SLC13A1: variants seen among roughly 807,000 people sequenced by gnomAD.
SLC13A1 encodes the protein solute carrier family 13 member 1, also known as Na(+)/sulfate cotransporter.
In SLC13A1, 65 loss-of-function variants were observed where a neutral mutation model predicts 70.0. That is an observed-to-expected ratio of 0.93 (90% CI 0.76 to 1.14). SLC13A1 has a LOEUF of 1.14. Ranked by LOEUF, SLC13A1 falls within the 50% of genes most tolerant of loss-of-function variation. SLC13A1 has a pLI of 0.00. For missense variants in SLC13A1, 726 were observed against 717.8 expected (o/e 1.01, Z -0.13); for synonymous variants, 275 against 250.5 (o/e 1.10, Z -0.92).
intron 2 of SLC13A1, among the ~76,000 whole-genome samples, chr7:123,172,926 T>G (rs964394482): frequency 3.9e-5 from 6 of 152,158 alleles, no homozygotes; most frequent in African/African-American, 1.4e-4. Context: ...AAGAGGGGGA[T>G]ATCATATACT....
At chr7:123,122,433 AT>A (rs1793414460) in intron 12 of SLC13A1, among the ~76,000 whole-genome samples, 1 of 152,130 alleles carries the variant, frequency 6.6e-6, no homozygotes, top group African/African-American at 2.4e-5. Context: ...TTTCATGGAA[AT>A]TTGGGAGAAG....
intron 6 of SLC13A1, among the ~76,000 whole-genome samples, chr7:123,166,568 C>A (rs929454809): frequency 1.3e-5 from 2 of 151,994 alleles, no homozygotes; most frequent in African/African-American, 4.8e-5. Context: ...CAACAGGCCC[C>A]AGTGTGTGAC....
intron 14 of SLC13A1, 37 bp downstream of exon 14, chr7:123,117,434 G>C: frequency 6.2e-7 from 1 of 1,600,130 alleles, no homozygotes; most frequent in Non-Finnish European, 8.5e-7. Flanking sequence ...ACCAAGATGT[G>C]TATTGGATTT....
At chr7:123,159,365 A>C (rs920284132) in intron 6 of SLC13A1, among the ~76,000 whole-genome samples, 3 of 152,190 alleles carry the variant, frequency 2.0e-5, no homozygotes, top group Non-Finnish European at 4.4e-5. Context: ...CCTTGTAAAA[A>C]GAGCAAAAGG....
intron 1 of SLC13A1, among the ~76,000 whole-genome samples, chr7:123,196,422 A>G (rs1342724151): frequency 6.6e-6 from 1 of 152,084 alleles, no homozygotes; most frequent in African/African-American, 2.4e-5. Context: ...AGACACAGAT[A>G]CTCAGTTGTG....
At chr7:123,159,158 C>T (rs1207454035) in intron 6 of SLC13A1, among the ~76,000 whole-genome samples, 2 of 151,862 alleles carry the variant, frequency 1.3e-5, no homozygotes, top group African/African-American at 4.8e-5. Flanking sequence ...GCTCTTTATA[C>T]TGTTCAGGAG....
intron 6 of SLC13A1, chr7:123,149,704 C>A: frequency 2.3e-6 from 1 of 436,616 alleles, no homozygotes; most frequent in East Asian, 7.0e-5. Context: ...ATTTTACCAT[C>A]CTGGTTATCA....
At chr7:123,193,267 A>G (rs1247434293) in intron 1 of SLC13A1, among the ~76,000 whole-genome samples, 5 of 152,032 alleles carry the variant, frequency 3.3e-5, no homozygotes, top group African/African-American at 1.2e-4. Context: ...TTATCCATAG[A>G]CAACATTTGG....
intron 7 of SLC13A1, among the ~76,000 whole-genome samples, chr7:123,144,856 A>G (rs1794296243): frequency 6.6e-6 from 1 of 152,166 alleles, no homozygotes; most frequent in South Asian, 2.1e-4. Flanking sequence ...TACTCAGAAC[A>G]TAGCTTCAAA....
chr7:123,126,414 A>G (rs1057388486), intron 10 of SLC13A1, among the ~76,000 whole-genome samples: 9 of 152,196 alleles, frequency 5.9e-5, no homozygotes, highest in African/African-American at 2.2e-4. Flanking sequence ...AAGCCTCAAC[A>G]GGAAAGAACC....
chr7:123,147,102 T>C, intron 7 of SLC13A1, 57 bp downstream of exon 7: 1 of 1,547,360 alleles, frequency 6.5e-7, no homozygotes, highest in Non-Finnish European at 8.8e-7. Flanking sequence ...TAAGAATAAT[T>C]TTTATAATTT....
chr7:123,165,801 T>G (rs1391524883), intron 6 of SLC13A1, among the ~76,000 whole-genome samples: 2 of 152,176 alleles, frequency 1.3e-5, no homozygotes, highest in East Asian at 3.9e-4. Context: ...TAGCTGGTTC[T>G]TTGAATTAGT....
intron 1 of SLC13A1, among the ~76,000 whole-genome samples, chr7:123,192,032 T>A (rs1307343410): frequency 6.6e-6 from 1 of 152,312 alleles, no homozygotes; most frequent in East Asian, 1.9e-4. Context: ...AACTTCTTTC[T>A]CTTTGCCTTG....
chr7:123,117,105 G>A (rs1166941098), intron 14 of SLC13A1, among the ~76,000 whole-genome samples: 1 of 152,122 alleles, frequency 6.6e-6, no homozygotes, highest in African/African-American at 2.4e-5. Flanking sequence ...TCACAGTGTT[G>A]TTTTGATTGC....
At chr7:123,165,410 A>G (rs540178838) in intron 6 of SLC13A1, among the ~76,000 whole-genome samples, 6 of 152,190 alleles carry the variant, frequency 3.9e-5, no homozygotes, top group African/African-American at 9.6e-5. Flanking sequence ...TCTTTTCTCT[A>G]TTGAAAGGTT....
intron 11 of SLC13A1, among the ~76,000 whole-genome samples, chr7:123,124,995 T>C (rs1436323480): frequency 6.6e-6 from 1 of 151,940 alleles, no homozygotes; most frequent in African/African-American, 2.4e-5. Context: ...CTGCCAAGGC[T>C]TGTTTCAAAC....
At chr7:123,181,862 ACT>A (rs138953382) in intron 1 of SLC13A1, among the ~76,000 whole-genome samples, 2,550 of 152,228 alleles carry the variant, frequency 0.017, 67 homozygotes, top group African/African-American at 0.059. Flanking sequence ...CACAGTGCTT[ACT>A]CTCTGCAAAT....
intron 13 of SLC13A1, among the ~76,000 whole-genome samples, chr7:123,117,960 A>G (rs369640432): frequency 6.6e-6 from 1 of 151,330 alleles, no homozygotes; most frequent in South Asian, 2.1e-4. Flanking sequence ...ATTTACACAT[A>G]ATATAGTTTA....
intron 8 of SLC13A1, among the ~76,000 whole-genome samples, chr7:123,131,620 C>G (rs1325850503): frequency 6.6e-6 from 1 of 152,202 alleles, no homozygotes; most frequent in Non-Finnish European, 1.5e-5. Flanking sequence ...ACCCAACATA[C>G]TAATCAGAAT....
Sources: allele counts gnomAD v4.1 joint callset (sites outside exome capture counted in the v4.1 genomes callset), GRCh38; gene constraint gnomAD v4.1.1; transcripts MANE v1.5; gene names NCBI Gene and HGNC (gene_info 2026-07-23, HGNC 2026-07-21).